The following GPHN variants were observed in gnomAD, a reference collection of about 807,000 sequenced individuals.
GPHN encodes gephyrin.
In GPHN, 17 loss-of-function variants were observed where a neutral mutation model predicts 95.5. That is an observed-to-expected ratio of 0.18 (90% CI 0.12 to 0.27). The LOEUF (loss-of-function observed/expected upper bound fraction) is 0.27, where lower values mean the gene tolerates loss of function less well. GPHN is among the 10% of genes least tolerant of loss of function. The pLI is 1.00. For synonymous variants in GPHN, 320 were observed against 322.5 expected (o/e 0.99, Z 0.08); for missense variants, 660 against 978.1 (o/e 0.67, Z 4.34).
At chr14:67,205,585 G>T in the GPHN span, among the ~76,000 whole-genome samples, 1 of 152,214 alleles carries the variant, frequency 6.6e-6, no homozygotes, top group Non-Finnish European at 1.5e-5. Context: ...AACAAAGTGA[G>T]TGGCTTTAGA....
the GPHN span, among the ~76,000 whole-genome samples, chr14:67,440,420 T>G: frequency 1.3e-5 from 2 of 151,898 alleles, no homozygotes; most frequent in African/African-American, 4.8e-5. Context: ...AAAAAAAAAT[T>G]TCTGCCCCAC....
intron 10 of GPHN, among the ~76,000 whole-genome samples, chr14:67,036,291 CTT>C (rs539721319): frequency 7.0e-6 from 1 of 143,254 alleles, no homozygotes. Context: ...AAACTGGAAG[CTT>C]TTTTTTTTTA....
intron 1 of GPHN, among the ~76,000 whole-genome samples, chr14:66,542,819 A>G (rs951482187): frequency 6.6e-6 from 1 of 152,184 alleles, no homozygotes; most frequent in Non-Finnish European, 1.5e-5. Flanking sequence ...ATCCAGTATA[A>G]TTAGGCTTCT....
intron 9 of GPHN, among the ~76,000 whole-genome samples, chr14:67,007,680 C>T (rs145912294): frequency 4.1e-4 from 62 of 152,318 alleles, no homozygotes; most frequent in African/African-American, 1.4e-3. Flanking sequence ...ACCACTCCTT[C>T]GGTCAACCTA....
intron 20 of GPHN, among the ~76,000 whole-genome samples, chr14:67,168,539 T>A (rs906570403): frequency 6.6e-6 from 1 of 152,214 alleles, no homozygotes; most frequent in Non-Finnish European, 1.5e-5. Flanking sequence ...GGAACCAAGC[T>A]TGTAATACTA....
the GPHN span, among the ~76,000 whole-genome samples, chr14:67,264,098 T>G: frequency 6.6e-6 from 1 of 152,152 alleles, no homozygotes; most frequent in Non-Finnish European, 1.5e-5. Context: ...ATAAGGTTGG[T>G]GTAAGGATTA....
chr14:67,361,224 A>G, the GPHN span, among the ~76,000 whole-genome samples: 1 of 152,236 alleles, frequency 6.6e-6, no homozygotes, highest in Non-Finnish European at 1.5e-5. Flanking sequence ...TTATTAAGCA[A>G]AAAACATGGT....
intron 4 of GPHN, among the ~76,000 whole-genome samples, chr14:66,862,994 A>G (rs1002007789): frequency 6.6e-6 from 1 of 152,162 alleles, no homozygotes; most frequent in Non-Finnish European, 1.5e-5. Context: ...GAGAAGAGAA[A>G]GATATAAAGG....
At chr14:67,252,939 ATGTTCT>A in the GPHN span, among the ~76,000 whole-genome samples, 1 of 152,196 alleles carries the variant, frequency 6.6e-6, no homozygotes, top group African/African-American at 2.4e-5. Flanking sequence ...ACACTTTCAC[ATGTTCT>A]TGATTAGCTT....
the GPHN span, among the ~76,000 whole-genome samples, chr14:67,597,251 G>A: frequency 1.3e-5 from 2 of 152,252 alleles, no homozygotes; most frequent in African/African-American, 4.8e-5. Flanking sequence ...GCCAACATGG[G>A]GGGATCGCTT....
At chr14:66,704,862 C>G (rs1319432277) in intron 2 of GPHN, among the ~76,000 whole-genome samples, 2 of 152,076 alleles carry the variant, frequency 1.3e-5, no homozygotes, top group African/African-American at 4.8e-5. Flanking sequence ...CCAAAAAAAT[C>G]AGTTAATCCA....
the GPHN span, among the ~76,000 whole-genome samples, chr14:67,730,692 C>A: frequency 1.3e-4 from 20 of 152,224 alleles, no homozygotes; most frequent in East Asian, 3.7e-3. Flanking sequence ...CAACTTCAGC[C>A]TCCTGGGTTC....
intron 2 of GPHN, among the ~76,000 whole-genome samples, chr14:66,686,855 T>A (rs1266173431): frequency 6.6e-6 from 1 of 152,168 alleles, no homozygotes; most frequent in Non-Finnish European, 1.5e-5. Flanking sequence ...GCTTCCAGTT[T>A]TTGCCCATTC....
At chr14:67,376,757 T>C in the GPHN span, among the ~76,000 whole-genome samples, 3 of 152,252 alleles carry the variant, frequency 2.0e-5, no homozygotes, top group Admixed American at 6.5e-5. Context: ...TGTAGTTTTA[T>C]GTATCATAGT....
At chr14:67,122,914 C>T (rs2079091850) in intron 17 of GPHN, among the ~76,000 whole-genome samples, 1 of 152,182 alleles carries the variant, frequency 6.6e-6, no homozygotes, top group African/African-American at 2.4e-5. Flanking sequence ...CCTATTACCC[C>T]CATCTACTGA....
chr14:67,574,334 G>C, the GPHN span: 2 of 1,601,650 alleles, frequency 1.2e-6, no homozygotes, highest in Non-Finnish European at 1.7e-6. This position sits in a 1 kb window ranked among gnomAD's most constrained non-coding sequence, Gnocchi z 4.2. Flanking sequence ...TGCTGAAGGT[G>C]CAGGCCACCG....
chr14:67,256,101 T>A, the GPHN span, among the ~76,000 whole-genome samples: 1 of 152,182 alleles, frequency 6.6e-6, no homozygotes, highest in Admixed American at 6.5e-5. Context: ...CATACTTTTT[T>A]TGTGTGAATA....
At chr14:67,156,116 A>C (rs1274644317) in intron 18 of GPHN, among the ~76,000 whole-genome samples, 1 of 152,224 alleles carries the variant, frequency 6.6e-6, no homozygotes, top group Admixed American at 6.5e-5. Flanking sequence ...TTATGGAAGC[A>C]TGGAAATGCA....
At chr14:67,695,635 T>C in the GPHN span, 6 of 1,613,954 alleles carry the variant, frequency 3.7e-6, no homozygotes, top group Non-Finnish European at 5.1e-6. Context: ...CAGACCTGAT[T>C]TGGGGCGCAG....
Sources: gnomAD v4.1 joint callset for allele counts (sites outside exome capture counted in the v4.1 genomes callset) on GRCh38, gnomAD v4.1.1 for gene constraint, Gnocchi (gnomAD v3.1) non-coding constraint, MANE v1.5 for transcripts, NCBI Gene and HGNC (gene_info 2026-07-23, HGNC 2026-07-21) for gene names.